MYT1L: variants seen among roughly 807,000 people sequenced by gnomAD.
MYT1L encodes myelin transcription factor 1 like.
Under a neutral mutation model 126.7 loss-of-function variants are expected in MYT1L, and 12 were observed. The observed-to-expected ratio is 0.09, with a 90% CI of 0.06 to 0.15. The LOEUF (loss-of-function observed/expected upper bound fraction) is 0.15, where lower values mean the gene tolerates loss of function less well. Among genes scored for constraint, MYT1L ranks in the 10% least tolerant of loss-of-function variants. MYT1L has a pLI of 1.00. For missense variants in MYT1L, 979 were observed against 1,585.2 expected, an observed-to-expected ratio of 0.62 and a Z score of 6.49; for synonymous variants, 541 against 604.2, an observed-to-expected ratio of 0.90 and a Z score of 1.53.
chr2:1,992,836 C>T (rs1016836734), intron 5 of MYT1L, among the ~76,000 whole-genome samples: 1 of 152,186 alleles, frequency 6.6e-6, no homozygotes, highest in African/African-American at 2.4e-5. Flanking sequence ...AGGAGTCATG[C>T]AGCTGGAGGC....
chr2:1,979,861 T>G lies in MYT1L; in HGVS notation c.1-84A>C. 1 of 1,372,858 alleles carries G rather than the reference T, an allele frequency of 7.3e-7. No individual in the cohort carries two copies. The highest frequency in any genetic ancestry group is 1.0e-6 in the Non-Finnish European group (1 of 971,522). The allele number at this position is 1,372,858 out of a possible 1,614,324, so 85.0% of individuals were successfully genotyped here. On this transcript the variant is annotated intron_variant, in intron 5 of 24. Transcript: ENST00000647738. This position sits in a 1 kb window ranked among gnomAD's most constrained non-coding sequence, Gnocchi z 4.0. ...AGGGGCGGCTCACTCTCCCTGGCAT[T>G]CTATTAATGGGGCTTTAATCCTGTT...
intron 3 of MYT1L, among the ~76,000 whole-genome samples, chr2:2,092,610 G>A (rs891782380): frequency 2.0e-5 from 3 of 152,158 alleles, no homozygotes; most frequent in Non-Finnish European, 2.9e-5. Flanking sequence ...TACACGATCC[G>A]TGAAGCACAG....
At position 2,253,250 on chromosome 2, in the gene MYT1L, G is replaced by GC. The variant is rs570491587; in HGVS notation, c.-421+31153dup. On this transcript the variant is annotated intron_variant, in intron 2 of 24. Coordinates refer to ENST00000647738, the MANE Select transcript of MYT1L (RefSeq NM_001303052.2). ...CTCCATTCCAGCTGCAGCTTTTGCT[G>GC]CCCCCCTCGCAGGAGCCTCCCTTCT... Among the ~76,000 whole-genome samples the GC allele has an allele frequency of 2.0e-5, 3 of 152,324 alleles. No individual in the cohort carries two copies. In the South Asian group the frequency reaches 6.2e-4, roughly 32 times the overall value.
intron 2 of MYT1L, among the ~76,000 whole-genome samples, chr2:2,277,131 G>A (rs1282139487): frequency 2.6e-5 from 4 of 152,046 alleles, no homozygotes; most frequent in African/African-American, 7.2e-5. Flanking sequence ...ACAGGCACCC[G>A]CCACCACCCC....
intron 8 of MYT1L, among the ~76,000 whole-genome samples, chr2:1,969,197 T>C (rs1045042411): frequency 6.6e-6 from 1 of 152,034 alleles, no homozygotes; most frequent in Non-Finnish European, 1.5e-5. Flanking sequence ...AGGACTACAG[T>C]GATGCTGGGC....
chr2:2,094,933 A>T (rs1483527307), intron 3 of MYT1L, among the ~76,000 whole-genome samples: 1 of 152,226 alleles, frequency 6.6e-6, no homozygotes, highest in Non-Finnish European at 1.5e-5. Flanking sequence ...AAAAAAGATT[A>T]TCAGAAACTA....
At chr2:2,170,311 C>T (rs955696362) in intron 3 of MYT1L, among the ~76,000 whole-genome samples, 4 of 152,130 alleles carry the variant, frequency 2.6e-5, no homozygotes, top group Non-Finnish European at 5.9e-5. Flanking sequence ...TGTTCTCTAC[C>T]GACGCTGTAA....
intron 2 of MYT1L, among the ~76,000 whole-genome samples, chr2:2,195,864 T>C (rs2092776204): frequency 6.6e-6 from 1 of 151,952 alleles, no homozygotes; most frequent in South Asian, 2.1e-4. Context: ...TATATAGTGA[T>C]AAAATGGTAG....
At chr2:2,102,604 A>ATATG (rs1553477494) in intron 3 of MYT1L, among the ~76,000 whole-genome samples, 2 of 143,012 alleles carry the variant, frequency 1.4e-5, no homozygotes, top group African/African-American at 5.1e-5. Flanking sequence ...CCTCTTGGGA[A>ATATG]TGTGTGTGTG....
intron 3 of MYT1L, among the ~76,000 whole-genome samples, chr2:2,112,721 G>C (rs553348523): frequency 1.3e-5 from 2 of 152,132 alleles, no homozygotes; most frequent in Non-Finnish European, 2.9e-5. Flanking sequence ...CTAACACCAG[G>C]AGCACTCTCA....
intron 3 of MYT1L, among the ~76,000 whole-genome samples, chr2:2,165,972 G>GTAAAAAAATAAAATC (rs1402327719): frequency 8.3e-4 from 90 of 108,078 alleles, no homozygotes; most frequent in Middle Eastern, 4.9e-3. Context: ...ACTTTGTAAA[G>GTAAAAAAATAAAATC]TTTTAAAGTA....
intron 1 of MYT1L, among the ~76,000 whole-genome samples, chr2:2,299,339 G>A (rs981084873): frequency 3.3e-5 from 5 of 152,208 alleles, no homozygotes; most frequent in South Asian, 2.1e-4. Flanking sequence ...CATGTGAGCC[G>A]CCAGCAGGGA....
chr2:2,084,475 C>T (rs908092024), intron 3 of MYT1L, among the ~76,000 whole-genome samples: 3 of 152,214 alleles, frequency 2.0e-5, no homozygotes, highest in South Asian at 2.1e-4. Context: ...CCCCACTGCC[C>T]CTTGTGTTTG....
At chr2:2,193,568 A>G (rs1009858255) in intron 2 of MYT1L, among the ~76,000 whole-genome samples, 2 of 152,072 alleles carry the variant, frequency 1.3e-5, no homozygotes, top group Admixed American at 6.5e-5. Flanking sequence ...TATGTTATTG[A>G]TCCATTTTGG....
At chr2:1,906,946 A>T (rs1391058347) in intron 13 of MYT1L, among the ~76,000 whole-genome samples, 4 of 150,780 alleles carry the variant, frequency 2.7e-5, no homozygotes, top group East Asian at 1.9e-4. Flanking sequence ...AATAAATAAA[A>T]AATAATAAAA....
intron 2 of MYT1L, among the ~76,000 whole-genome samples, chr2:2,209,786 A>C (rs993730861): frequency 1.3e-5 from 2 of 152,070 alleles, no homozygotes. Flanking sequence ...TGATATGCTC[A>C]TTTCCTTTCT....
intron 8 of MYT1L, among the ~76,000 whole-genome samples, chr2:1,963,223 G>A (rs10203210): frequency 0.27 from 41,254 of 152,202 alleles, 6,369 homozygotes; most frequent in African/African-American, 0.43. Flanking sequence ...TGAGCAGTAA[G>A]AAATGAAAGA....
intron 18 of MYT1L, among the ~76,000 whole-genome samples, chr2:1,884,838 GAAGAGCT>G (rs2047973804): frequency 6.6e-6 from 1 of 152,240 alleles, no homozygotes; most frequent in Non-Finnish European, 1.5e-5. Context: ...TGGAAGGCAT[GAAGAGCT>G]AACCGGCTCC....
chr2:2,005,312 CTTCTTTCCTGCGTGCG>C (rs1370444374), intron 4 of MYT1L, among the ~76,000 whole-genome samples: 4 of 132,076 alleles, frequency 3.0e-5, no homozygotes, highest in East Asian at 2.5e-4. Flanking sequence ...TCCTGCGTGC[CTTCTTTCCTGCGTGCG>C]TTCTTTCCTG....
Sources: allele counts gnomAD v4.1 joint callset (sites outside exome capture counted in the v4.1 genomes callset), GRCh38; gene constraint gnomAD v4.1.1; non-coding constraint Gnocchi (gnomAD v3.1); transcripts MANE v1.5; gene names NCBI Gene and HGNC (gene_info 2026-07-23, HGNC 2026-07-21).